The following CLCN4 variants were observed in gnomAD, a reference collection of about 807,000 sequenced individuals.
CLCN4 encodes the protein Cl-/H+ antiporter 4, also known as H(+)/Cl(-) exchange transporter 4.
Under a neutral mutation model 41.7 loss-of-function variants are expected in CLCN4, and 1 was observed. That is an observed-to-expected ratio of 0.02 (90% CI 0.01 to 0.11). The LOEUF is 0.11. Ranked by LOEUF, CLCN4 falls within the 10% of genes least tolerant of loss-of-function variation. CLCN4 has a pLI of 1.00. For synonymous variants in CLCN4, 277 were observed against 285.8 expected (o/e 0.97, Z 0.31); for missense variants, 287 against 661.0 (o/e 0.43, Z 6.20).
In CLCN4 at chrX:10,213,928, A is replaced by T. The variant is rs762153003; in HGVS notation, c.1824A>T (p.Pro608=). The T allele has an allele frequency of 1.7e-6, 2 of 1,212,079 alleles. No individual in the cohort carries two copies. Among genetic ancestry groups the T allele is most frequent in the East Asian group, 5.9e-5 (2 of 33,841 alleles). ...TGCGGCCCCGGCGGGGAGAGCCGCC[A>T]CTGTCGGTGCTCACCCAGGACAGCA... ...DVMRPRRGEP[P]LSVLTQDSMT... Residue 608 remains proline (P), a synonymous_variant, in exon 11 of 13, where the codon CCA becomes CCT. Coordinates refer to ENST00000380833, the MANE Select transcript of CLCN4 (RefSeq NM_001830.4).
At position 10,212,622 on chromosome X, in the gene CLCN4, G is replaced by C; in HGVS notation, c.1545G>C (p.Leu515=). The change falls in exon 10 of 13, where the codon CTG becomes CTC. Residue 515 remains leucine (L), a synonymous_variant. Coordinates refer to ENST00000380833, the MANE Select transcript of CLCN4 (RefSeq NM_001830.4). ...GTGCAGACTGTGTCACGCCAGGGCT[G>C]TACGCAATGGTGGGAGCTGCGGCCT... is the stretch of plus-strand genomic sequence containing the variant. ...RPGADCVTPG[L]YAMVGAAACL... is the part of the protein sequence containing the mutation. The C allele has an allele frequency of 3.3e-6, 4 of 1,210,365 alleles. No individual in the cohort carries two copies. Among genetic ancestry groups the C allele is most frequent in the Non-Finnish European group, 4.5e-6 (4 of 894,682 alleles).
chrX:10,157,885 T>G (rs964539683), intron 1 of CLCN4, among the ~76,000 whole-genome samples: 5 of 112,754 alleles, frequency 4.4e-5, no homozygotes, highest in African/African-American at 1.6e-4. Context: ...GTAGTAGAAA[T>G]ACGTGGTGTC....
intron 6 of CLCN4, among the ~76,000 whole-genome samples, chrX:10,204,180 C>T (rs935288313): frequency 9.0e-6 from 1 of 111,692 alleles, no homozygotes; most frequent in Admixed American, 9.5e-5. Flanking sequence ...GTGATAGGCA[C>T]CCAGTTGAAT....
At chrX:10,163,818 G>T (rs1220291623) in intron 2 of CLCN4, among the ~76,000 whole-genome samples, 1 of 112,056 alleles carries the variant, frequency 8.9e-6, no homozygotes, top group East Asian at 2.8e-4. Flanking sequence ...TTTTATGGGG[G>T]GCTGTTCTGG....
At chrX:10,211,222 C>T (rs1478906259) in intron 9 of CLCN4, among the ~76,000 whole-genome samples, 18 of 95,667 alleles carry the variant, frequency 1.9e-4, no homozygotes, top group Admixed American at 8.8e-4. Context: ...GCTGAGATCA[C>T]GCCACTGCAC....
At chrX:10,205,422 G>A (rs769485951) in intron 6 of CLCN4, among the ~76,000 whole-genome samples, 3 of 97,532 alleles carry the variant, frequency 3.1e-5, no homozygotes, top group East Asian at 3.3e-4. Context: ...GCAGTGAGCC[G>A]AGACCGCACC....
chrX:10,170,072 G>A (rs1602138869), intron 2 of CLCN4, among the ~76,000 whole-genome samples: 1 of 111,958 alleles, frequency 8.9e-6, no homozygotes, highest in South Asian at 3.7e-4. Flanking sequence ...ACAGGCATGA[G>A]CCACCACACC....
intron 3 of CLCN4, among the ~76,000 whole-genome samples, chrX:10,185,779 G>A (rs1186809996): frequency 9.0e-6 from 1 of 111,631 alleles, no homozygotes; most frequent in Non-Finnish European, 1.9e-5. Context: ...CGAGGATCTG[G>A]TGGAGGATTC....
chrX:10,169,433 A>G (rs1242574297), intron 2 of CLCN4, among the ~76,000 whole-genome samples: 2 of 111,382 alleles, frequency 1.8e-5, no homozygotes, highest in African/African-American at 6.6e-5. Flanking sequence ...TCAGGAGGAC[A>G]CCTGTTTTTG....
chrX:10,233,447 C>A, intron 12 of CLCN4, 47 bp from the exon 13 acceptor site: 1 of 954,146 alleles, frequency 1.0e-6, no homozygotes, highest in Non-Finnish European at 1.5e-6. Context: ...AGGGATGAGT[C>A]GTCGTTTCAA....
chrX:10,204,590 A>G (rs1273180595), intron 6 of CLCN4, among the ~76,000 whole-genome samples: 2 of 82,032 alleles, frequency 2.4e-5, no homozygotes, highest in African/African-American at 8.7e-5. Flanking sequence ...TGGAGCAACT[A>G]TTCTCACCAG....
intron 2 of CLCN4, among the ~76,000 whole-genome samples, chrX:10,160,644 G>A (rs996952068): frequency 3.6e-5 from 4 of 111,884 alleles, no homozygotes; most frequent in South Asian, 7.4e-4. Flanking sequence ...GGTGCTGGTG[G>A]GGGACGTGGT....
chrX:10,189,954 A>C (rs1045290237), intron 4 of CLCN4, among the ~76,000 whole-genome samples: 2 of 110,850 alleles, frequency 1.8e-5, no homozygotes, highest in Non-Finnish European at 3.8e-5. Flanking sequence ...TATCTGCAGG[A>C]CCCTCCCATC....
intron 12 of CLCN4, among the ~76,000 whole-genome samples, chrX:10,227,819 T>G (rs1255517233): frequency 8.9e-6 from 1 of 112,541 alleles, no homozygotes; most frequent in East Asian, 2.8e-4. Context: ...TCGTCCACAC[T>G]GAAGATGTGT....
rs185553384 is a variant in CLCN4 at position 10,193,150 on chromosome X, G to A, written c.245-1761G>A. ...GATTTGGGAGGGTAGGTCCACAAGT[G>A]TGTGTCATGATTGATTAGTGATGTC... On this transcript the variant is annotated intron_variant, in intron 4 of 12. Coordinates refer to ENST00000380833, the MANE Select transcript of CLCN4 (RefSeq NM_001830.4). Among the ~76,000 whole-genome samples, 103 of 112,146 alleles carry A rather than the reference G, an allele frequency of 9.2e-4. 1 individual carries two copies. The highest frequency in any genetic ancestry group is 3.2e-3 in the African/African-American group (98 of 30,817).
At chrX:10,197,324 G>A (rs188600384) in intron 5 of CLCN4, among the ~76,000 whole-genome samples, 2 of 111,717 alleles carry the variant, frequency 1.8e-5, no homozygotes, top group East Asian at 5.6e-4. Context: ...CCTCCTGGAG[G>A]GCTTGTTAAA....
At chrX:10,194,067 G>T (rs1320196855) in intron 4 of CLCN4, among the ~76,000 whole-genome samples, 2 of 110,115 alleles carry the variant, frequency 1.8e-5, no homozygotes, top group East Asian at 5.7e-4. Context: ...GGAGGAAGGA[G>T]ATGTAGAGCT....
chrX:10,174,135 C>T (rs1923457348), intron 2 of CLCN4, among the ~76,000 whole-genome samples: 1 of 112,265 alleles, frequency 8.9e-6, no homozygotes, highest in Non-Finnish European at 1.9e-5. Context: ...GCCTCATTCC[C>T]TCCCGCCATA....
At chrX:10,194,866 C>T (rs1455316609) in intron 4 of CLCN4, 45 bp from the exon 5 acceptor site, 5 of 1,175,978 alleles carry the variant, frequency 4.3e-6, no homozygotes, top group Admixed American at 4.4e-5. Flanking sequence ...ATTCTTGTCG[C>T]ATCATGGGGC....
Sources: allele counts gnomAD v4.1 joint callset (sites outside exome capture counted in the v4.1 genomes callset), GRCh38; gene constraint gnomAD v4.1.1; transcripts MANE v1.5; gene names NCBI Gene and HGNC (gene_info 2026-07-23, HGNC 2026-07-21).